Variants in GULP1 observed in about 807,000 individuals in gnomAD.
GULP1 encodes the protein GULP PTB domain containing engulfment adaptor 1.
GULP1 carries 19 observed loss-of-function variants against 40.9 expected under a neutral mutation model. The ratio of observed to expected loss-of-function variants is 0.46; its 90% confidence interval spans 0.32 to 0.68. The LOEUF is 0.68. Among genes scored for constraint, GULP1 ranks in the 30% least tolerant of loss-of-function variants. The pLI is 0.03. For synonymous variants in GULP1, 119 were observed against 117.6 expected, an observed-to-expected ratio of 1.01 and a Z score of -0.08; for missense variants, 312 against 362.2, an observed-to-expected ratio of 0.86 and a Z score of 1.12.
chr2:188,496,258 T>G (rs1259780804), intron 4 of GULP1, among the ~76,000 whole-genome samples: 1 of 152,006 alleles, frequency 6.6e-6, no homozygotes, highest in Non-Finnish European at 1.5e-5. Context: ...TCCTAAATAA[T>G]TAAAACTAGC....
At chr2:188,500,064 A>G (rs928723375) in intron 4 of GULP1, among the ~76,000 whole-genome samples, 5 of 151,876 alleles carry the variant, frequency 3.3e-5, no homozygotes, top group African/African-American at 9.7e-5. Flanking sequence ...AGCTACTTCA[A>G]TACTTTGTGT....
At chr2:188,412,216 G>T (rs2053983571) in intron 2 of GULP1, among the ~76,000 whole-genome samples, 1 of 152,044 alleles carries the variant, frequency 6.6e-6, no homozygotes, top group Non-Finnish European at 1.5e-5. Flanking sequence ...CAGCAAAAGG[G>T]GGAGAAGCCC....
intron 1 of GULP1, among the ~76,000 whole-genome samples, chr2:188,323,895 A>T (rs1001486021): frequency 1.3e-5 from 2 of 151,834 alleles, no homozygotes; most frequent in Non-Finnish European, 2.9e-5. Context: ...CTCCTCTATG[A>T]TTTACCTTCT....
At chr2:188,306,293 C>A (rs2037078650) in intron 1 of GULP1, among the ~76,000 whole-genome samples, 1 of 152,100 alleles carries the variant, frequency 6.6e-6, no homozygotes, top group Non-Finnish European at 1.5e-5. Flanking sequence ...TAAAATTTAA[C>A]TTTAAATAGT....
At chr2:188,487,596 C>G (rs1317507364) in intron 4 of GULP1, among the ~76,000 whole-genome samples, 1 of 149,696 alleles carries the variant, frequency 6.7e-6, no homozygotes, top group African/African-American at 2.5e-5. Context: ...ATGTCGTTAT[C>G]TTCTAAACTA....
intron 4 of GULP1, among the ~76,000 whole-genome samples, chr2:188,488,712 A>G (rs2062075724): frequency 6.6e-6 from 1 of 152,046 alleles, no homozygotes; most frequent in African/African-American, 2.4e-5. Flanking sequence ...CAATACGGCC[A>G]CCTTGGTGGA....
rs993445097 is a variant in GULP1 at position 188,594,580 on chromosome 2, T to C, written c.*569T>C. On this transcript the variant is annotated 3_prime_UTR_variant, in exon 12 of 12. Coordinates refer to ENST00000409830, the MANE Select transcript of GULP1 (RefSeq NM_016315.4). Reference sequence around the variant, plus strand: ...TCTAGCAGGTAAAATTATAAGGATATAAATTCCAATAATAAACCAAATGTA... The same window carrying C: ...TCTAGCAGGTAAAATTATAAGGATACAAATTCCAATAATAAACCAAATGTA... 6.6e-6 allele frequency: 1 copy of C among 151,812 alleles called. No individual in the cohort carries two copies. The highest frequency in any genetic ancestry group is 2.1e-4 in the South Asian group (1 of 4,830). The allele number at this position is 151,812 out of a possible 1,614,324, so 9.4% of individuals were successfully genotyped here. A position where few individuals can be genotyped will look rare whatever the true frequency, so the allele number is the denominator to read the frequency against.
chr2:188,392,685 G>A (rs1167324176), intron 2 of GULP1, among the ~76,000 whole-genome samples: 1 of 151,902 alleles, frequency 6.6e-6, no homozygotes, highest in Admixed American at 6.6e-5. Flanking sequence ...GTGACATTAG[G>A]TTGTCAATTT....
intron 4 of GULP1, among the ~76,000 whole-genome samples, chr2:188,504,334 G>GA (rs1268714842): frequency 3.9e-5 from 6 of 151,902 alleles, no homozygotes; most frequent in African/African-American, 1.4e-4. Flanking sequence ...CTGGAAGTAG[G>GA]AACTATACTA....
chr2:188,363,595 A>G (rs186156294), intron 1 of GULP1, among the ~76,000 whole-genome samples: 182 of 152,258 alleles, frequency 1.2e-3, no homozygotes, highest in African/African-American at 3.7e-3. Flanking sequence ...CCAATTTTCA[A>G]GGCAAAGGGT....
At chr2:188,332,717 G>A (rs1327909340) in intron 1 of GULP1, among the ~76,000 whole-genome samples, 1 of 151,994 alleles carries the variant, frequency 6.6e-6, no homozygotes, top group African/African-American at 2.4e-5. Flanking sequence ...GATGTGGGAT[G>A]GGAGAGACTT....
chr2:188,482,556 G>C (rs1019510802), intron 3 of GULP1, among the ~76,000 whole-genome samples: 4 of 151,650 alleles, frequency 2.6e-5, no homozygotes, highest in Non-Finnish European at 5.9e-5. Flanking sequence ...CCACATAAGT[G>C]CAGATTCAAA....
intron 1 of GULP1, among the ~76,000 whole-genome samples, chr2:188,381,116 G>GCAGC (rs1284676956): frequency 6.6e-6 from 1 of 152,044 alleles, no homozygotes; most frequent in African/African-American, 2.4e-5. Flanking sequence ...GTTCAAAAGA[G>GCAGC]CAGCCCCTAA....
intron 1 of GULP1, among the ~76,000 whole-genome samples, chr2:188,320,378 G>T (rs2039788365): frequency 6.6e-6 from 1 of 152,092 alleles, no homozygotes; most frequent in Non-Finnish European, 1.5e-5. Flanking sequence ...TAACGTCCTT[G>T]GCAGTAGGTA....
At chr2:188,420,852 A>G (rs2055298831) in intron 2 of GULP1, among the ~76,000 whole-genome samples, 1 of 152,190 alleles carries the variant, frequency 6.6e-6, no homozygotes, top group African/African-American at 2.4e-5. Context: ...TGTGGATTGT[A>G]TCTAGAGTGG....
At chr2:188,326,598 T>G (rs2151991717) in intron 1 of GULP1, among the ~76,000 whole-genome samples, 1 of 152,286 alleles carries the variant, frequency 6.6e-6, no homozygotes, top group South Asian at 2.1e-4. Context: ...CTGTCTGATC[T>G]GAATCTAAAA....
At chr2:188,332,191 C>T (rs372555547) in intron 1 of GULP1, among the ~76,000 whole-genome samples, 4 of 126,676 alleles carry the variant, frequency 3.2e-5, no homozygotes, top group East Asian at 2.3e-4. Flanking sequence ...TTTCTTTATT[C>T]TTTTTTTTTT....
At chr2:188,503,998 A>T (rs1001002968) in intron 4 of GULP1, among the ~76,000 whole-genome samples, 2 of 151,894 alleles carry the variant, frequency 1.3e-5, no homozygotes, top group African/African-American at 4.8e-5. Flanking sequence ...CCTTTTTAAA[A>T]TGCTGATCTT....
intron 4 of GULP1, among the ~76,000 whole-genome samples, chr2:188,491,936 T>G (rs1038852867): frequency 1.1e-4 from 17 of 152,074 alleles, no homozygotes; most frequent in Admixed American, 8.5e-4. Context: ...TTCTTCAGTT[T>G]CCAGAAAAGT....
Sources: gnomAD v4.1 joint callset for allele counts (sites outside exome capture counted in the v4.1 genomes callset) on GRCh38, gnomAD v4.1.1 for gene constraint, MANE v1.5 for transcripts, NCBI Gene and HGNC (gene_info 2026-07-23, HGNC 2026-07-21) for gene names.